The following ASAH1 variants were observed in gnomAD, a reference collection of about 807,000 sequenced individuals.
ASAH1 encodes acid ceramidase.
ASAH1 carries 70 observed loss-of-function variants against 59.5 expected under a neutral mutation model. The ratio of observed to expected loss-of-function variants is 1.18; its 90% CI spans 0.97 to 1.43. The LOEUF (loss-of-function observed/expected upper bound fraction) is 1.43, where lower values mean the gene tolerates loss of function less well. Ranked by LOEUF, ASAH1 falls within the 40% of genes most tolerant of loss-of-function variation. The pLI is 0.00. For missense variants in ASAH1, 660 were observed against 482.5 expected, an observed-to-expected ratio of 1.37 and a Z score of -3.45; for synonymous variants, 213 against 166.5, an observed-to-expected ratio of 1.28 and a Z score of -2.15.
upstream of ASAH1, chr8:18,084,479 C>A: frequency 7.6e-7 from 1 of 1,312,974 alleles, no homozygotes; most frequent in Admixed American, 2.3e-5. Flanking sequence ...TCCTCGGTAC[C>A]CACGAAACGG....
At chr8:18,075,346 C>T (rs530898488) in intron 2 of ASAH1, 195 bp downstream of exon 2, 11 of 703,692 alleles carry the variant, frequency 1.6e-5, no homozygotes, top group East Asian at 5.4e-5. Context: ...GCATTTGAAT[C>T]GGAAGATATT....
chr8:18,056,408 A>C lies in ASAH1; in HGVS notation c.*1126T>G, dbSNP rs1799471556. The C allele has an allele frequency of 1.3e-5, 2 of 152,052 alleles. No individual in the cohort carries two copies. The highest frequency in any genetic ancestry group is 1.5e-5 in the Non-Finnish European group (1 of 68,016). The allele number at this position is 152,052 out of a possible 1,614,324, so 9.4% of individuals were successfully genotyped here. On this transcript the variant is annotated 3_prime_UTR_variant, in exon 14 of 14. Coordinates refer to ENST00000637790, the MANE Select transcript of ASAH1 (RefSeq NM_177924.5). ...AATAACCCCCCTCCTCCAAACCAAC[A>C]CAGATGTACACACCCAATCAGCGTG...
intron 1 of ASAH1, chr8:18,083,058 G>A (rs1800723809): frequency 6.6e-6 from 1 of 152,066 alleles, no homozygotes; most frequent in Non-Finnish European, 1.5e-5. Context: ...TGATTTTAAA[G>A]AATTTCTCCT....
chr8:18,084,858 C>T, upstream of ASAH1: 2 of 1,601,470 alleles, frequency 1.2e-6, no homozygotes, highest in Non-Finnish European at 1.7e-6. Flanking sequence ...GAGCAGAGCT[C>T]AGCTTGGGAG....
intron 1 of ASAH1, among the ~76,000 whole-genome samples, chr8:18,081,601 T>A (rs1256641805): frequency 1.3e-5 from 2 of 152,174 alleles, no homozygotes; most frequent in Non-Finnish European, 1.5e-5. Flanking sequence ...AAAAATTCAA[T>A]AATGAAGAAT....
intron 2 of ASAH1, among the ~76,000 whole-genome samples, chr8:18,075,291 C>G (rs1175836321): frequency 6.6e-6 from 1 of 152,194 alleles, no homozygotes; most frequent in Non-Finnish European, 1.5e-5. Context: ...CCGCGTCTGG[C>G]TGAAAATCCT....
chr8:18,068,623 G>A (rs1800031937), intron 4 of ASAH1: 1 of 152,144 alleles, frequency 6.6e-6, no homozygotes, highest in African/African-American at 2.4e-5. Flanking sequence ...ACAACTGAGG[G>A]GGTGTTACCA....
chr8:18,059,266 C>A, intron 12 of ASAH1, 75 bp downstream of exon 12: 1 of 1,606,104 alleles, frequency 6.2e-7, no homozygotes, highest in South Asian at 1.1e-5. Flanking sequence ...TACTTGAAGG[C>A]CAAAGAAAAA....
intron 9 of ASAH1, 91 bp downstream of exon 9, chr8:18,061,595 G>C: frequency 6.8e-7 from 1 of 1,471,458 alleles, no homozygotes; most frequent in Non-Finnish European, 9.4e-7. Flanking sequence ...GGAACCGGAA[G>C]AGGTTGGACT....
At chr8:18,065,589 T>C (rs545917388) in intron 5 of ASAH1, 85 of 152,262 alleles carry the variant, frequency 5.6e-4, no homozygotes, top group African/African-American at 1.9e-3. Context: ...ATTTTAAAAA[T>C]AGCTTCCCAA....
intron 2 of ASAH1, among the ~76,000 whole-genome samples, chr8:18,075,303 T>G (rs774843242): frequency 6.6e-6 from 1 of 152,212 alleles, no homozygotes; most frequent in Admixed American, 6.5e-5. Context: ...GAAAATCCTT[T>G]TCTTTCCGAT....
chr8:18,059,675 T>G lies in ASAH1; in HGVS notation c.814A>C (p.Lys272Gln). 1.9e-6 allele frequency: 3 copies of G among 1,614,208 alleles called. No homozygotes were observed. The highest frequency in any genetic ancestry group is 2.5e-6 in the Non-Finnish European group (3 of 1,180,020). The change falls in exon 11 of 14, where the codon AAG (lysine) becomes CAG (glutamine). Residue 272 changes from lysine to glutamine, a missense_variant. Physicochemically the swap from Lys to Gln is moderately conservative, Grantham distance 53 (BLOSUM62 1). Transcript: ENST00000637790. ...TAGGCTGGGGCCAATATCTTGGTCT[T>G]GGTCAATAAATTCTTGGCTTCTTCA... ...SYEEAKNLLT[K>Q]TKILAPAYFI...
At chr8:18,080,246 G>A (rs992486037) in intron 1 of ASAH1, among the ~76,000 whole-genome samples, 1 of 152,188 alleles carries the variant, frequency 6.6e-6, no homozygotes, top group African/African-American at 2.4e-5. Context: ...ATGAGAAGCT[G>A]ATGCATAAAA....
rs762489080 is a variant in ASAH1, at chr8:18,084,023, C to G, written c.36G>C (p.Leu12=). The change falls in exon 1 of 14, where the codon CTG becomes CTC. Residue 12 remains leucine (L), a synonymous_variant. Coordinates refer to ENST00000637790, the MANE Select transcript of ASAH1 (RefSeq NM_177924.5). ...PGRSCVALVL[L]AAAVSCAVAQ... ...CGACGGCACAGCTGACGGCGGCAGC[C>G]AGGAGGACTAAGGCGACGCAACTCC... The G allele has an allele frequency of 8.1e-6, 13 of 1,598,578 alleles. No individual in the cohort carries two copies. In the East Asian group the frequency reaches 8.9e-5, roughly 11 times the overall value.
intron 5 of ASAH1, chr8:18,065,999 T>C (rs930393683): frequency 6.6e-6 from 1 of 152,076 alleles, no homozygotes; most frequent in African/African-American, 2.4e-5. Flanking sequence ...GCTGTTTAAC[T>C]AACTGGATAT....
At chr8:18,084,382 C>T (rs929050438), upstream of ASAH1, 5 of 1,402,668 alleles carry the variant, frequency 3.6e-6, no homozygotes, top group Non-Finnish European at 3.7e-6. Flanking sequence ...GAGCCCCGCC[C>T]CGTAGGTGGG....
At chr8:18,071,002 G>C (rs1297483119) in intron 3 of ASAH1, among the ~76,000 whole-genome samples, 4 of 152,156 alleles carry the variant, frequency 2.6e-5, no homozygotes. Flanking sequence ...GAGGTCAGGA[G>C]TTTGAGATCA....
At chr8:18,065,166 G>C (rs998674947) in intron 5 of ASAH1, 2 of 151,066 alleles carry the variant, frequency 1.3e-5, no homozygotes, top group Non-Finnish European at 2.9e-5. Flanking sequence ...TTCTAATTTG[G>C]TGAAATTCTA....
chr8:18,074,027 A>AG (rs34737630), intron 2 of ASAH1, among the ~76,000 whole-genome samples: 16,188 of 152,264 alleles, frequency 0.11, 953 homozygotes, highest in African/African-American at 0.14. Context: ...CATGGCAATA[A>AG]GAGTCAGTAA....
Sources: allele counts gnomAD v4.1 joint callset (sites outside exome capture counted in the v4.1 genomes callset), GRCh38; gene constraint gnomAD v4.1.1; transcripts MANE v1.5; gene names NCBI Gene and HGNC (gene_info 2026-07-23, HGNC 2026-07-21).